NEDD4: variants seen among roughly 807,000 people sequenced by gnomAD.
NEDD4 encodes NEDD4 E3 ubiquitin protein ligase.
Under a neutral mutation model 144.9 loss-of-function variants are expected in NEDD4, and 99 were observed. The observed-to-expected ratio is 0.68, with a 90% CI of 0.58 to 0.81. The LOEUF is 0.81. Among genes scored for constraint, NEDD4 ranks in the 30% least tolerant of loss-of-function variants. NEDD4 has a pLI of 0.00. For synonymous variants in NEDD4, 318 were observed against 350.6 expected (o/e 0.91, Z 1.04); for missense variants, 985 against 1,065.9 (o/e 0.92, Z 1.06).
chr15:55,845,305 G>A (rs1347912605), intron 18 of NEDD4, among the ~76,000 whole-genome samples: 1 of 152,024 alleles, frequency 6.6e-6, no homozygotes, highest in Non-Finnish European at 1.5e-5. Flanking sequence ...TTAGGAACAT[G>A]GGATCTGGAG....
intron 4 of NEDD4, chr15:55,934,861 T>TTA: frequency 3.0e-4 from 1 of 3,384 alleles, no homozygotes; most frequent in African/African-American, 8.0e-4. Context: ...AATGTTCTGC[T>TTA]TTTTTTTTTT....
At chr15:55,886,049 T>C (rs2035375823) in intron 5 of NEDD4, among the ~76,000 whole-genome samples, 1 of 151,678 alleles carries the variant, frequency 6.6e-6, no homozygotes, top group African/African-American at 2.4e-5. Flanking sequence ...AGGGCATGAG[T>C]AGCTGTATCA....
Position 55,834,172 on chromosome 15 carries a change from C to T in NEDD4, c.2323-27G>A, listed in dbSNP as rs780115152. 21 of 1,608,092 alleles carry T rather than the reference C, an allele frequency of 1.3e-5. No individual in the cohort carries two copies. The South Asian group carries it at 1.9e-4, about 14-fold the overall frequency. The stretch of plus-strand genomic sequence containing the variant: ...TACATAAGAAATGTCAAATTATAAA[C>T]AAGGAAAATAATGGGTTCACAATTT... On this transcript the variant is annotated intron_variant, in intron 25 of 28. Transcript: ENST00000435532.
At chr15:55,989,087 T>G (rs1484845487) in intron 1 of NEDD4, among the ~76,000 whole-genome samples, 2 of 151,930 alleles carry the variant, frequency 1.3e-5, no homozygotes, top group Non-Finnish European at 2.9e-5. Flanking sequence ...AATACAAAAA[T>G]TAGCTGGGCG....
Position 55,951,410 on chromosome 15 carries a change from A to T in NEDD4, c.203T>A (p.Leu68Ter). The T allele has an allele frequency of 9.3e-7, 1 of 1,069,592 alleles. No homozygotes were observed. Among genetic ancestry groups the T allele is most frequent in the Non-Finnish European group, 1.3e-6 (1 of 744,512 alleles). The allele number at this position is 1,069,592 out of a possible 1,614,324, so 66.3% of individuals were successfully genotyped here. A position where few individuals can be genotyped will look rare whatever the true frequency, so the allele number is the denominator to read the frequency against. ...TATTTCTTCATTCCACTTTGGATTC[A>T]AACTCTAAAAAATAATAAACATAGT... Reference protein sequence around the residue: ...SVQTKTIKKSLNPKWNEEILF... With the variant: ...SVQTKTIKKS Residue 68 changes from leucine (L) to a stop codon, truncating the protein, a stop_gained, in exon 4 of 29, where the codon TTG becomes TAG. Transcript: ENST00000435532. LOFTEE classifies it high-confidence loss of function.
chr15:55,868,241 G>A (rs1033905545), intron 8 of NEDD4, among the ~76,000 whole-genome samples: 5 of 152,122 alleles, frequency 3.3e-5, no homozygotes, highest in African/African-American at 4.8e-5. Flanking sequence ...AAGGCCCTCA[G>A]CTTCACTGTT....
intron 1 of NEDD4, among the ~76,000 whole-genome samples, chr15:55,970,597 G>T (rs1388059720): frequency 6.6e-6 from 1 of 152,140 alleles, no homozygotes; most frequent in Non-Finnish European, 1.5e-5. Context: ...GACTCCAATT[G>T]GTTGGGGGAA....
In NEDD4 at chr15:55,899,355, T is replaced by C. The variant is rs1396362569; in HGVS notation, c.291+25291A>G. On this transcript the variant is annotated intron_variant, in intron 5 of 28. Transcript: ENST00000435532. ...TGATTATTCTTACAATTTGATTACC[T>C]GGTTATCTGATCAAATGTAAGTTTA... Among the ~76,000 whole-genome samples the C allele has an allele frequency of 2.0e-5, 3 of 152,238 alleles. No individual in the cohort carries two copies. The East Asian group carries it at 5.8e-4, about 29-fold the overall frequency.
At chr15:55,921,170 T>C (rs1295481150) in intron 5 of NEDD4, among the ~76,000 whole-genome samples, 1 of 152,172 alleles carries the variant, frequency 6.6e-6, no homozygotes, top group Admixed American at 6.5e-5. Context: ...GCTTATGAGA[T>C]AGGCAGGGCA....
chr15:55,915,673 T>C (rs1380409670), intron 5 of NEDD4: 2 of 1,614,018 alleles, frequency 1.2e-6, no homozygotes, highest in Admixed American at 1.7e-5. Context: ...CAGTCTAATG[T>C]AGCTGCTTTT....
intron 4 of NEDD4, among the ~76,000 whole-genome samples, chr15:55,943,426 C>T (rs2037045158): frequency 6.6e-6 from 1 of 152,140 alleles, no homozygotes; most frequent in Admixed American, 6.6e-5. Flanking sequence ...TGCTGCCCTA[C>T]ACAACCTTGG....
chr15:55,986,519 AC>A (rs1320110787), intron 1 of NEDD4, among the ~76,000 whole-genome samples: 1 of 149,604 alleles, frequency 6.7e-6, no homozygotes, highest in Non-Finnish European at 1.5e-5. Flanking sequence ...ATCAAGAAAC[AC>A]TAAACAGACC....
Position 55,843,844 on chromosome 15 carries a change from G to A in NEDD4, c.1609-1681C>T, listed in dbSNP as rs530533178. ...AGCATTTATCAAAGGCCTACTCTGG[G>A]CCAGGTGGTATTGTAGTAGGGCCAA... On this transcript the variant is annotated intron_variant, in intron 18 of 28. Coordinates refer to ENST00000435532, the MANE Select transcript of NEDD4 (RefSeq NM_006154.4). 2.0e-5 allele frequency among the ~76,000 whole-genome samples: 3 copies of A among 152,222 alleles called. No homozygotes were observed. In the East Asian group the frequency reaches 5.8e-4, roughly 29 times the overall value.
intron 5 of NEDD4, among the ~76,000 whole-genome samples, chr15:55,913,240 T>C (rs1241032216): frequency 6.6e-6 from 1 of 152,106 alleles, no homozygotes; most frequent in African/African-American, 2.4e-5. Flanking sequence ...ATCAGAATAC[T>C]AACCCAGACT....
chr15:55,883,692 C>CAA (rs768945438), intron 5 of NEDD4, among the ~76,000 whole-genome samples: 1 of 53,148 alleles, frequency 1.9e-5, no homozygotes, highest in African/African-American at 7.2e-5. Flanking sequence ...CACACACACA[C>CAA]ACAAACACAC....
chr15:55,909,316 G>A (rs966837287), intron 5 of NEDD4, among the ~76,000 whole-genome samples: 2 of 152,070 alleles, frequency 1.3e-5, no homozygotes, highest in Non-Finnish European at 2.9e-5. Flanking sequence ...TCTTAGTGTG[G>A]GTAAAATTGC....
At chr15:55,936,946 T>C (rs888237027) in intron 4 of NEDD4, among the ~76,000 whole-genome samples, 3 of 152,056 alleles carry the variant, frequency 2.0e-5, no homozygotes, top group African/African-American at 4.8e-5. Flanking sequence ...GCATGCGCCA[T>C]GATGCCCAGC....
At chr15:55,897,340 A>G (rs1367751574) in intron 5 of NEDD4, among the ~76,000 whole-genome samples, 1 of 152,206 alleles carries the variant, frequency 6.6e-6, no homozygotes, top group Non-Finnish European at 1.5e-5. Flanking sequence ...TCCTTTGTAA[A>G]CATTAGCTAT....
intron 2 of NEDD4, among the ~76,000 whole-genome samples, chr15:55,957,256 T>C (rs74015344): frequency 6.6e-6 from 1 of 152,204 alleles, no homozygotes; most frequent in Non-Finnish European, 1.5e-5. Context: ...AAGACAGTTT[T>C]ACTTCTTCCT....
Sources: allele counts gnomAD v4.1 joint callset (sites outside exome capture counted in the v4.1 genomes callset), GRCh38; gene constraint gnomAD v4.1.1; transcripts MANE v1.5; gene names NCBI Gene and HGNC (gene_info 2026-07-23, HGNC 2026-07-21).